Variants in GRM7 observed in about 807,000 individuals in gnomAD.
The protein encoded by GRM7 is glutamate metabotropic receptor 7.
GRM7 carries 35 observed loss-of-function variants against 84.5 expected under a neutral mutation model. That is an observed-to-expected ratio of 0.41 (90% CI 0.32 to 0.55). The LOEUF is 0.55. Ranked by LOEUF, GRM7 falls within the 20% of genes least tolerant of loss-of-function variation. The pLI is 0.19. For missense variants in GRM7, 1,003 were observed against 1,194.6 expected, an observed-to-expected ratio of 0.84 and a Z score of 2.36; for synonymous variants, 487 against 455.1, an observed-to-expected ratio of 1.07 and a Z score of -0.89.
At chr3:7,449,739 C>T (rs1240994759) in intron 5 of GRM7, among the ~76,000 whole-genome samples, 2 of 152,094 alleles carry the variant, frequency 1.3e-5, no homozygotes, top group African/African-American at 4.8e-5. Flanking sequence ...TCATGTATTA[C>T]AATAACTGCA....
chr3:7,379,391 A>G (rs1694493741), intron 4 of GRM7, among the ~76,000 whole-genome samples: 1 of 151,780 alleles, frequency 6.6e-6, no homozygotes, highest in African/African-American at 2.4e-5. Flanking sequence ...CCATGCCCAG[A>G]CTCTTCTGTG....
intron 1 of GRM7, among the ~76,000 whole-genome samples, chr3:7,001,223 G>A (rs1695003706): frequency 6.6e-6 from 1 of 152,144 alleles, no homozygotes; most frequent in African/African-American, 2.4e-5. Context: ...GGTGGTACAT[G>A]CCTGTTGTCC....
intron 4 of GRM7, among the ~76,000 whole-genome samples, chr3:7,400,716 T>C (rs1455784803): frequency 6.6e-6 from 1 of 152,196 alleles, no homozygotes; most frequent in Non-Finnish European, 1.5e-5. Flanking sequence ...CCTGTAACTT[T>C]CATAGGCTAT....
chr3:7,330,817 C>A (rs925211770), intron 4 of GRM7, among the ~76,000 whole-genome samples: 8 of 152,138 alleles, frequency 5.3e-5, no homozygotes, highest in African/African-American at 1.9e-4. Flanking sequence ...ATACCCCTTC[C>A]TCCAGGGCAC....
intron 2 of GRM7, among the ~76,000 whole-genome samples, chr3:7,254,003 C>G (rs1698107097): frequency 6.6e-6 from 1 of 152,182 alleles, no homozygotes; most frequent in South Asian, 2.1e-4. Context: ...GGCTTCACAG[C>G]TTTCTCCCTC....
At chr3:7,189,438 A>G (rs914425629) in intron 2 of GRM7, among the ~76,000 whole-genome samples, 1 of 152,158 alleles carries the variant, frequency 6.6e-6, no homozygotes, top group Non-Finnish European at 1.5e-5. Context: ...TGGGTTTATA[A>G]TGAAGATTAA....
chr3:7,727,413 C>T (rs974520318), intron 9 of GRM7, among the ~76,000 whole-genome samples: 1 of 152,022 alleles, frequency 6.6e-6, no homozygotes, highest in Non-Finnish European at 1.5e-5. Context: ...CACATTAAAA[C>T]AAAAAACAAT....
At chr3:7,676,507 G>A (rs1700128137) in intron 8 of GRM7, among the ~76,000 whole-genome samples, 1 of 151,842 alleles carries the variant, frequency 6.6e-6, no homozygotes, top group Non-Finnish European at 1.5e-5. Flanking sequence ...TCCCAGGCTG[G>A]GAATGCAGTG....
At chr3:7,091,472 G>A (rs1698661495) in intron 1 of GRM7, among the ~76,000 whole-genome samples, 1 of 152,018 alleles carries the variant, frequency 6.6e-6, no homozygotes. Flanking sequence ...GCCTCCTGGT[G>A]TGTTTATGCT....
chr3:6,997,500 A>C (rs1694865210), intron 1 of GRM7, among the ~76,000 whole-genome samples: 1 of 152,110 alleles, frequency 6.6e-6, no homozygotes, highest in South Asian at 2.1e-4. Flanking sequence ...GCCCCTTATA[A>C]AGCCATCAGA....
intron 1 of GRM7, among the ~76,000 whole-genome samples, chr3:6,901,904 G>C (rs143790865): frequency 6.6e-6 from 1 of 151,674 alleles, no homozygotes. Flanking sequence ...TCTATTTGTT[G>C]AACTCTCCTT....
chr3:7,291,527 TC>T (rs1468051346), intron 2 of GRM7, among the ~76,000 whole-genome samples: 7 of 102,016 alleles, frequency 6.9e-5, no homozygotes, highest in Non-Finnish European at 1.4e-4. Flanking sequence ...TCTCTCTCTC[TC>T]TCTCTCTCTC....
intron 8 of GRM7, among the ~76,000 whole-genome samples, chr3:7,610,472 A>T (rs978287437): frequency 6.6e-6 from 1 of 152,200 alleles, no homozygotes; most frequent in Non-Finnish European, 1.5e-5. Context: ...TGGTGTCATA[A>T]GGTATTTTTC....
chr3:7,028,289 TG>T (rs1247180571), intron 1 of GRM7, among the ~76,000 whole-genome samples: 1 of 152,220 alleles, frequency 6.6e-6, no homozygotes, highest in Non-Finnish European at 1.5e-5. Context: ...GTAAGCATCT[TG>T]TAAATAAATA....
intron 1 of GRM7, among the ~76,000 whole-genome samples, chr3:7,023,505 G>T (rs530964477): frequency 1.3e-5 from 2 of 152,102 alleles, no homozygotes; most frequent in Non-Finnish European, 2.9e-5. Flanking sequence ...GGCACTCACC[G>T]CGTGAGTCTT....
At chr3:7,063,266 A>G (rs909223469) in intron 1 of GRM7, among the ~76,000 whole-genome samples, 1 of 151,776 alleles carries the variant, frequency 6.6e-6, no homozygotes, top group Non-Finnish European at 1.5e-5. Flanking sequence ...CTTGGTATAC[A>G]AGGCTTCAGT....
intron 1 of GRM7, among the ~76,000 whole-genome samples, chr3:7,141,624 T>A (rs1385160328): frequency 6.6e-6 from 1 of 151,974 alleles, no homozygotes; most frequent in African/African-American, 2.4e-5. Flanking sequence ...TTATCCATGA[T>A]CATGTTTAAA....
intron 7 of GRM7, among the ~76,000 whole-genome samples, chr3:7,497,338 C>A (rs1699742152): frequency 6.6e-6 from 1 of 152,122 alleles, no homozygotes; most frequent in Non-Finnish European, 1.5e-5. Context: ...GCAACGTTTC[C>A]CATGGGGTTT....
chr3:6,952,484 C>T (rs902829422), intron 1 of GRM7, among the ~76,000 whole-genome samples: 2 of 152,270 alleles, frequency 1.3e-5, no homozygotes, highest in Non-Finnish European at 1.5e-5. Flanking sequence ...TTAATTCTGG[C>T]TGCAGTAATC....
Sources: allele counts gnomAD v4.1 joint callset (sites outside exome capture counted in the v4.1 genomes callset), GRCh38; gene constraint gnomAD v4.1.1; transcripts MANE v1.5; gene names NCBI Gene and HGNC (gene_info 2026-07-23, HGNC 2026-07-21).